The following PTPRQ variants were observed in gnomAD, a reference collection of about 807,000 sequenced individuals.
PTPRQ encodes protein tyrosine phosphatase receptor type Q, also known as phosphatidylinositol phosphatase PTPRQ.
In PTPRQ, 199 loss-of-function variants were observed where a neutral mutation model predicts 246.0. The observed-to-expected ratio is 0.81, with a 90% CI of 0.72 to 0.91. The LOEUF is 0.91. PTPRQ is among the 40% of genes least tolerant of loss of function. The pLI is 0.00. For missense variants in PTPRQ, 2,624 were observed against 2,528.4 expected (o/e 1.04, Z -0.81); for synonymous variants, 869 against 853.2 (o/e 1.02, Z -0.32).
At chr12:80,476,832 T>G (rs1320110249) in intron 8 of PTPRQ, among the ~76,000 whole-genome samples, 1 of 152,212 alleles carries the variant, frequency 6.6e-6, no homozygotes, top group South Asian at 2.1e-4. Flanking sequence ...CATTTTCTCT[T>G]TCTTAAAAGT....
At chr12:80,550,933 C>T (rs1029374672) in intron 25 of PTPRQ, among the ~76,000 whole-genome samples, 2 of 151,074 alleles carry the variant, frequency 1.3e-5, no homozygotes, top group Admixed American at 6.6e-5. Flanking sequence ...ATTGATAGGC[C>T]CTCCTTCCAT....
chr12:80,510,478 C>A, intron 17 of PTPRQ, 35 bp downstream of exon 17: 1 of 1,504,694 alleles, frequency 6.6e-7, no homozygotes, highest in Non-Finnish European at 8.9e-7. Flanking sequence ...GTTCTGAGAA[C>A]AGATATTAAT....
chr12:80,663,351 T>A (rs1900690550), intron 39 of PTPRQ, among the ~76,000 whole-genome samples: 1 of 151,884 alleles, frequency 6.6e-6, no homozygotes, highest in Admixed American at 6.6e-5. Context: ...TGGAACCTAC[T>A]CCTCCCTTAC....
intron 17 of PTPRQ, among the ~76,000 whole-genome samples, chr12:80,525,643 T>A (rs1009941087): frequency 8.7e-5 from 12 of 138,564 alleles, no homozygotes; most frequent in Admixed American, 6.3e-4. Context: ...ACAGTCATAT[T>A]CTCTCTCTCT....
At chr12:80,577,905 A>T (rs1344942947) in intron 25 of PTPRQ, among the ~76,000 whole-genome samples, 1 of 152,124 alleles carries the variant, frequency 6.6e-6, no homozygotes, top group Non-Finnish European at 1.5e-5. Flanking sequence ...AAATACTCCA[A>T]AATTTCTCTG....
In PTPRQ at chr12:80,493,285, A is replaced by C. The variant is rs1028795805; in HGVS notation, c.1370A>C (p.Asp457Ala). The stretch of plus-strand genomic sequence containing the variant: ...TACTTTTAATTACAGTATATAAATG[A>C]CCCCATGGCTCCAGAAATTGTGAAC... Reference protein sequence around the residue: ...LLTGNNEYINDPMAPEIVNIV... With the variant: ...LLTGNNEYINAPMAPEIVNIV... The change falls in exon 10 of 45, where the codon GAC becomes GCC. Residue 457 changes from aspartate (D) to alanine (A), a missense_variant. Coordinates refer to ENST00000644991, the MANE Select transcript of PTPRQ (RefSeq NM_001145026.2). The C allele has an allele frequency of 6.5e-7, 1 of 1,527,774 alleles. No individual in the cohort carries two copies. The highest frequency in any genetic ancestry group is 8.8e-7 in the Non-Finnish European group (1 of 1,137,104). 94.6% of individuals were successfully genotyped at this position (1,527,774 alleles called of 1,614,324 possible).
At chr12:80,490,273 TTAAGAA>T (rs1297607495) in intron 9 of PTPRQ, among the ~76,000 whole-genome samples, 1 of 152,038 alleles carries the variant, frequency 6.6e-6, no homozygotes, top group Non-Finnish European at 1.5e-5. Context: ...GAAGCATTTC[TTAAGAA>T]TAAGTCAAAC....
intron 25 of PTPRQ, among the ~76,000 whole-genome samples, chr12:80,557,457 T>C (rs1486223929): frequency 1.3e-5 from 2 of 151,222 alleles, no homozygotes; most frequent in Non-Finnish European, 2.9e-5. Flanking sequence ...GCATACGTGA[T>C]AATAAGTATA....
chr12:80,555,872 G>A (rs1201010493), intron 25 of PTPRQ, among the ~76,000 whole-genome samples: 1 of 152,170 alleles, frequency 6.6e-6, no homozygotes, highest in Non-Finnish European at 1.5e-5. Flanking sequence ...CTATGTTCAG[G>A]TTCTAGGTGT....
chr12:80,488,384 A>G lies in PTPRQ; in HGVS notation c.1359+3779A>G, dbSNP rs1356795715. 2.6e-5 allele frequency among the ~76,000 whole-genome samples: 4 copies of G among 152,150 alleles called. No homozygotes were observed. In the South Asian group the frequency reaches 6.2e-4, roughly 24 times the overall value. ...ACACTTATTAGAATAATCCTTCCAG[A>G]TTTAAGTATGTTATTTACATTATGA... On this transcript the variant is annotated intron_variant, in intron 9 of 44. Transcript: ENST00000644991.
chr12:80,591,776 C>A (rs1323587576), intron 26 of PTPRQ, among the ~76,000 whole-genome samples: 3 of 152,078 alleles, frequency 2.0e-5, no homozygotes, highest in Non-Finnish European at 4.4e-5. Flanking sequence ...TGATTTGTAA[C>A]CTTTGGTTAA....
At chr12:80,507,240 A>G (rs544825859) in intron 16 of PTPRQ, among the ~76,000 whole-genome samples, 5 of 152,086 alleles carry the variant, frequency 3.3e-5, no homozygotes, top group Non-Finnish European at 5.9e-5. Flanking sequence ...GCCACTTTAC[A>G]TTGATACCTT....
intron 3 of PTPRQ, among the ~76,000 whole-genome samples, chr12:80,447,003 A>C (rs1268582333): frequency 6.6e-6 from 1 of 151,998 alleles, no homozygotes; most frequent in African/African-American, 2.4e-5. Context: ...ACTGTTTCTC[A>C]TAGAGGTTAC....
At chr12:80,520,369 TA>T (rs1389308066) in intron 17 of PTPRQ, among the ~76,000 whole-genome samples, 1 of 152,204 alleles carries the variant, frequency 6.6e-6, no homozygotes, top group Non-Finnish European at 1.5e-5. Flanking sequence ...TACAATTTTT[TA>T]AAATTATACT....
At chr12:80,625,123 G>A (rs1899149283) in intron 33 of PTPRQ, among the ~76,000 whole-genome samples, 1 of 152,176 alleles carries the variant, frequency 6.6e-6, no homozygotes, top group Admixed American at 6.5e-5. Context: ...TTAGTGGCAA[G>A]AATGGTTTCA....
chr12:80,551,070 C>A (rs948140562), intron 25 of PTPRQ, among the ~76,000 whole-genome samples: 10 of 151,946 alleles, frequency 6.6e-5, no homozygotes, highest in African/African-American at 2.4e-4. Flanking sequence ...GGATATTACC[C>A]CATCAATTTA....
chr12:80,469,081 G>A (rs565808652), intron 7 of PTPRQ, among the ~76,000 whole-genome samples: 1 of 152,132 alleles, frequency 6.6e-6, no homozygotes, highest in Non-Finnish European at 1.5e-5. Flanking sequence ...AAAAACTAGA[G>A]ATAACTCCTC....
Position 80,678,730 on chromosome 12 carries a change from A to G in PTPRQ, c.6862+5A>G, listed in dbSNP as rs1038809498. On this transcript the variant is annotated splice_donor_5th_base_variant and intron_variant, in intron 44 of 44. Transcript: ENST00000644991. The stretch of plus-strand genomic sequence containing the variant: ...ACTCTTTGGACGCCATGGAAGGTAA[A>G]CAGAAACAACAGTATATGCCCAGCT... 3.9e-6 allele frequency: 6 copies of G among 1,547,418 alleles called. No homozygotes were observed. The highest frequency in any genetic ancestry group is 5.2e-6 in the Non-Finnish European group (6 of 1,144,858).
intron 27 of PTPRQ, among the ~76,000 whole-genome samples, chr12:80,607,442 CCT>C (rs1898366490): frequency 6.7e-6 from 1 of 149,050 alleles, no homozygotes; most frequent in Non-Finnish European, 1.5e-5. Flanking sequence ...TTCCTTCCTT[CCT>C]TCCTTCCTTC....
Sources: allele counts gnomAD v4.1 joint callset (sites outside exome capture counted in the v4.1 genomes callset), GRCh38; gene constraint gnomAD v4.1.1; transcripts MANE v1.5; gene names NCBI Gene and HGNC (gene_info 2026-07-23, HGNC 2026-07-21).